The following LRRC4C variants were observed in gnomAD, a reference collection of about 807,000 sequenced individuals.
LRRC4C encodes the protein leucine rich repeat containing 4C, also known as leucine-rich repeat-containing protein 4C.
LRRC4C carries 5 observed loss-of-function variants against 33.6 expected under a neutral mutation model. That is an observed-to-expected ratio of 0.15 (90% CI 0.08 to 0.31). The LOEUF is 0.31. Among genes scored for constraint, LRRC4C ranks in the 10% least tolerant of loss-of-function variants. The pLI, the probability that LRRC4C is intolerant of heterozygous loss-of-function variation, is 1.00. For synonymous variants in LRRC4C, 329 were observed against 302.0 expected (o/e 1.09, Z -0.93); for missense variants, 560 against 796.7 (o/e 0.70, Z 3.58).
intron 3 of LRRC4C, among the ~76,000 whole-genome samples, chr11:40,616,098 A>G (rs1259242056): frequency 6.6e-6 from 1 of 152,100 alleles, no homozygotes; most frequent in Non-Finnish European, 1.5e-5. Flanking sequence ...AAGTGGCTGA[A>G]GGATATGAAC....
At chr11:40,917,744 C>G (rs1271933621) in intron 2 of LRRC4C, among the ~76,000 whole-genome samples, 11 of 151,976 alleles carry the variant, frequency 7.2e-5, no homozygotes, top group Admixed American at 7.2e-4. Flanking sequence ...AAAGGAGAAC[C>G]ACAGCATTCT....
At chr11:41,184,254 C>T (rs1160360387) in intron 1 of LRRC4C, among the ~76,000 whole-genome samples, 8 of 148,880 alleles carry the variant, frequency 5.4e-5, no homozygotes, top group East Asian at 1.9e-4. Context: ...TCAGAAAATG[C>T]GTTTTTTTTT....
chr11:40,793,664 T>G (rs907396482), intron 2 of LRRC4C, among the ~76,000 whole-genome samples: 3 of 152,206 alleles, frequency 2.0e-5, no homozygotes, highest in African/African-American at 7.2e-5. Context: ...AGAGCTGTGA[T>G]TTGAATGCAG....
intron 1 of LRRC4C, among the ~76,000 whole-genome samples, chr11:41,302,716 G>C (rs1565562612): frequency 6.6e-6 from 1 of 152,116 alleles, no homozygotes; most frequent in South Asian, 2.1e-4. Context: ...GTCTTCAACA[G>C]TTCTTCATTG....
intron 3 of LRRC4C, among the ~76,000 whole-genome samples, chr11:40,346,840 T>C (rs1947157345): frequency 6.6e-6 from 1 of 152,206 alleles, no homozygotes; most frequent in African/African-American, 2.4e-5. Flanking sequence ...ATTTCAACAA[T>C]GAGTTTAAAA....
At chr11:41,170,947 A>C (rs1405393736) in intron 1 of LRRC4C, among the ~76,000 whole-genome samples, 5 of 152,210 alleles carry the variant, frequency 3.3e-5, no homozygotes, top group Non-Finnish European at 5.9e-5. Context: ...GGTGAAGGAT[A>C]TGAACAGACA....
chr11:41,350,961 G>A (rs554058755), intron 1 of LRRC4C, among the ~76,000 whole-genome samples: 8 of 152,128 alleles, frequency 5.3e-5, no homozygotes, highest in African/African-American at 9.7e-5. Flanking sequence ...TGGGTGTGGT[G>A]GCTCATGCCT....
chr11:40,615,238 T>TTTTATATATATATA (rs1408452073), intron 3 of LRRC4C, among the ~76,000 whole-genome samples: 2 of 88,176 alleles, frequency 2.3e-5, no homozygotes, highest in African/African-American at 3.9e-5. Context: ...TTGATTTATT[T>TTTTATATATATATA]TATATATATA....
At chr11:41,078,133 T>C (rs188256418) in intron 1 of LRRC4C, among the ~76,000 whole-genome samples, 2 of 152,336 alleles carry the variant, frequency 1.3e-5, no homozygotes, top group East Asian at 3.9e-4. Flanking sequence ...CCTATCACTA[T>C]CAGCATTTTG....
chr11:40,961,791 C>T (rs577664917), intron 1 of LRRC4C, among the ~76,000 whole-genome samples: 14 of 151,704 alleles, frequency 9.2e-5, no homozygotes, highest in Non-Finnish European at 1.8e-4. Context: ...TTCCTCTAAA[C>T]GCTTGTCTAT....
intron 2 of LRRC4C, among the ~76,000 whole-genome samples, chr11:40,817,818 C>G (rs944474011): frequency 6.6e-6 from 1 of 152,166 alleles, no homozygotes; most frequent in Non-Finnish European, 1.5e-5. Flanking sequence ...GTCAAGCCTT[C>G]ACTTTTCCCT....
chr11:40,154,287 C>CAAAAAAAAAAAAAAAAAAAAA (rs60017606), intron 5 of LRRC4C, among the ~76,000 whole-genome samples: 2 of 114,206 alleles, frequency 1.8e-5, no homozygotes, highest in African/African-American at 3.2e-5. Flanking sequence ...AGCTAAAAAG[C>CAAAAAAAAAAAAAAAAAAAAA]AAAAAAAAAA....
intron 1 of LRRC4C, among the ~76,000 whole-genome samples, chr11:41,430,445 C>A (rs937543009): frequency 1.3e-5 from 2 of 152,114 alleles, no homozygotes; most frequent in African/African-American, 4.8e-5. Context: ...TGAACTCAAA[C>A]TGTTGTGCCA....
chr11:41,055,770 T>C (rs1858575606), intron 1 of LRRC4C, among the ~76,000 whole-genome samples: 1 of 152,078 alleles, frequency 6.6e-6, no homozygotes, highest in Admixed American at 6.5e-5. Context: ...GAATAGAAGA[T>C]CTAGTTATGT....
chr11:40,193,825 G>C lies in LRRC4C; in HGVS notation c.-96+47694C>G, dbSNP rs181918538. 2.6e-3 allele frequency among the ~76,000 whole-genome samples: 390 copies of C among 152,180 alleles called. 5 individuals carry two copies. The highest frequency in any genetic ancestry group is 8.8e-3 in the African/African-American group (367 of 41,526). Reference sequence around the variant, plus strand: ...TGTGAAGCATACACAAGTATCAATAGCTGAATCGATCAAGTGGAAGAAAGG... The same window carrying C: ...TGTGAAGCATACACAAGTATCAATACCTGAATCGATCAAGTGGAAGAAAGG... On this transcript the variant is annotated intron_variant, in intron 5 of 6. Coordinates refer to ENST00000528697, the MANE Select transcript of LRRC4C (RefSeq NM_001258419.2).
chr11:40,744,802 C>T (rs1186726957), intron 2 of LRRC4C, among the ~76,000 whole-genome samples: 1 of 152,040 alleles, frequency 6.6e-6, no homozygotes. Context: ...ATGTTCTTAA[C>T]CATTTGGCTG....
At chr11:40,679,656 C>T (rs936054870) in intron 2 of LRRC4C, among the ~76,000 whole-genome samples, 2 of 152,202 alleles carry the variant, frequency 1.3e-5, no homozygotes, top group East Asian at 3.9e-4. Context: ...GCCTTGGCAG[C>T]TTCCTCATAG....
intron 1 of LRRC4C, among the ~76,000 whole-genome samples, chr11:41,163,378 G>A (rs545474936): frequency 1.5e-5 from 2 of 136,100 alleles, no homozygotes; most frequent in African/African-American, 5.3e-5. Context: ...CTTCCTCCCG[G>A]GTTCAAATGA....
At chr11:40,180,917 A>G (rs989432307) in intron 5 of LRRC4C, among the ~76,000 whole-genome samples, 1 of 152,186 alleles carries the variant, frequency 6.6e-6, no homozygotes, top group African/African-American at 2.4e-5. Context: ...GTTGAACTGG[A>G]TCAGAGATAG....
Sources: gnomAD v4.1 joint callset for allele counts (sites outside exome capture counted in the v4.1 genomes callset) on GRCh38, gnomAD v4.1.1 for gene constraint, MANE v1.5 for transcripts, NCBI Gene and HGNC (gene_info 2026-07-23, HGNC 2026-07-21) for gene names.